The following ANP32A variants were observed in gnomAD, a reference collection of about 807,000 sequenced individuals.
ANP32A encodes acidic nuclear phosphoprotein 32 family member A.
A neutral mutation model predicts 33.9 loss-of-function variants in ANP32A; 1 was observed. The ratio of observed to expected loss-of-function variants is 0.03; its 90% CI spans 0.01 to 0.14. The LOEUF is 0.14. Ranked by LOEUF, ANP32A falls within the 10% of genes least tolerant of loss-of-function variation. The probability of loss-of-function intolerance (pLI) is 1.00; values close to 1 mark genes in which losing one functional copy is unlikely to be tolerated. For missense variants in ANP32A, 155 were observed against 306.0 expected (o/e 0.51, Z 3.68); for synonymous variants, 115 against 120.5 (o/e 0.95, Z 0.30).
At chr15:68,788,564 C>T (rs1893962290) in intron 1 of ANP32A, among the ~76,000 whole-genome samples, 1 of 152,322 alleles carries the variant, frequency 6.6e-6, no homozygotes, top group Non-Finnish European at 1.5e-5. Flanking sequence ...AAGACAGGGG[C>T]CACTAGTCAC....
chr15:68,800,472 C>T (rs926923073), intron 1 of ANP32A, among the ~76,000 whole-genome samples: 8 of 151,140 alleles, frequency 5.3e-5, no homozygotes, highest in Non-Finnish European at 1.2e-4. Flanking sequence ...GCACCGGGCG[C>T]GGTGGCTCAC....
Position 68,785,505 on chromosome 15 carries a change from C to T in ANP32A, c.328-910G>A, listed in dbSNP as rs139473703. Among the ~76,000 whole-genome samples, 109 of 152,308 alleles carry T rather than the reference C, an allele frequency of 7.2e-4. 1 individual carries two copies. Among genetic ancestry groups the T allele is most frequent in the African/African-American group, 2.5e-3 (102 of 41,568 alleles). ...GTCTAACAAGGGAGTGAAACCATTGCTCCTTGGAGTCAATGTCGGGAGCTA... is the reference window on the plus strand; with the variant it reads ...GTCTAACAAGGGAGTGAAACCATTGTTCCTTGGAGTCAATGTCGGGAGCTA... On this transcript the variant is annotated intron_variant, in intron 3 of 6. Transcript: ENST00000465139.
rs546065349 is a variant in ANP32A at position 68,800,085 on chromosome 15, C to A, written c.55-12166G>T. On this transcript the variant is annotated intron_variant, in intron 1 of 6. Coordinates refer to ENST00000465139, the MANE Select transcript of ANP32A (RefSeq NM_006305.4). ...ATGAATCACAAGGCTGTTAAGTGAC[C>A]GTGGGCAAAGAGCTTCATACATAAA... Among the ~76,000 whole-genome samples, 1,191 of 152,124 alleles carry A rather than the reference C, an allele frequency of 7.8e-3. 6 individuals are homozygous for A. The highest frequency in any genetic ancestry group is 0.012 in the Non-Finnish European group (813 of 67,994).
rs59440404 is a variant in ANP32A, at chr15:68,780,017, G to GA, written c.*63dup. 1.6e-5 allele frequency: 23 copies of GA among 1,436,408 alleles called. No individual in the cohort carries two copies. Among genetic ancestry groups the GA allele is most frequent in the African/African-American group, 8.5e-5 (6 of 70,458 alleles). The allele number at this position is 1,436,408 out of a possible 1,614,324, so 89.0% of individuals were successfully genotyped here. ...AGGGGGCAGGATTGGAGGGGGGGGG[G>GA]AGAGGGGATATGGGTAAAAACAGTC... On this transcript the variant is annotated 3_prime_UTR_variant, in exon 7 of 7. Transcript: ENST00000465139. This position sits in a 1 kb window ranked among gnomAD's most constrained non-coding sequence, Gnocchi z 4.3.
chr15:68,780,508 T>A lies in ANP32A; in HGVS notation c.625-35A>T, dbSNP rs751891935. On this transcript the variant is annotated intron_variant, in intron 5 of 6. Coordinates refer to ENST00000465139, the MANE Select transcript of ANP32A (RefSeq NM_006305.4). This position sits in a 1 kb window ranked among gnomAD's most constrained non-coding sequence, Gnocchi z 4.3. Reference sequence around the variant, plus strand: ...AGGACAGACACCAGAACATTAGAAATGCCCTGCCTTGGGACATGCTGAGGA... The same window carrying A: ...AGGACAGACACCAGAACATTAGAAAAGCCCTGCCTTGGGACATGCTGAGGA... The A allele has an allele frequency of 6.2e-7, 1 of 1,613,322 alleles. No individual in the cohort carries two copies.
intron 1 of ANP32A, among the ~76,000 whole-genome samples, chr15:68,800,930 G>C (rs1037067291): frequency 6.6e-6 from 1 of 151,920 alleles, no homozygotes; most frequent in Non-Finnish European, 1.5e-5. Context: ...ATCCTGAGTG[G>C]GTGGCATGCT....
At chr15:68,815,210 A>G (rs1894363996) in intron 1 of ANP32A, among the ~76,000 whole-genome samples, 1 of 152,336 alleles carries the variant, frequency 6.6e-6, no homozygotes, top group Middle Eastern at 3.4e-3. Context: ...AAACAAAGCA[A>G]AACACTAGAT....
intron 1 of ANP32A, among the ~76,000 whole-genome samples, chr15:68,804,653 T>C (rs1213545505): frequency 6.6e-6 from 1 of 152,100 alleles, no homozygotes; most frequent in East Asian, 1.9e-4. Context: ...GTAGCTGGGA[T>C]TACAGGCGCC....
At chr15:68,798,897 A>T (rs747424720) in intron 1 of ANP32A, among the ~76,000 whole-genome samples, 10 of 152,234 alleles carry the variant, frequency 6.6e-5, no homozygotes, top group Non-Finnish European at 1.0e-4. Flanking sequence ...CCGCCTCGGC[A>T]CTGAAGCCCT....
At chr15:68,808,286 G>C (rs931487431) in intron 1 of ANP32A, among the ~76,000 whole-genome samples, 3 of 152,118 alleles carry the variant, frequency 2.0e-5, no homozygotes, top group African/African-American at 7.2e-5. Context: ...GCAGAGCCTG[G>C]GTATTGCTTC....
intron 1 of ANP32A, among the ~76,000 whole-genome samples, chr15:68,804,262 G>C (rs755699654): frequency 6.6e-6 from 1 of 152,102 alleles, no homozygotes; most frequent in Non-Finnish European, 1.5e-5. Flanking sequence ...AGAAGGTTGG[G>C]GGTCAAAGCT....
intron 5 of ANP32A, chr15:68,781,294 T>C (rs1042910234): frequency 4.6e-5 from 7 of 152,038 alleles, no homozygotes; most frequent in Admixed American, 3.3e-4. Flanking sequence ...GTATAAGCTC[T>C]CCTTTACTGA....
intron 1 of ANP32A, among the ~76,000 whole-genome samples, chr15:68,809,715 G>A (rs1048533930): frequency 1.3e-4 from 20 of 152,278 alleles, no homozygotes; most frequent in African/African-American, 4.3e-4. Context: ...GAAGGTGTGC[G>A]CTTCGTTTCA....
intron 1 of ANP32A, among the ~76,000 whole-genome samples, chr15:68,796,296 G>A (rs543720732): frequency 2.0e-5 from 3 of 152,240 alleles, no homozygotes; most frequent in Admixed American, 6.5e-5. Context: ...GGTCAGGCTG[G>A]TCTTCAACTC....
chr15:68,818,565 G>A (rs1894422684), intron 1 of ANP32A, among the ~76,000 whole-genome samples: 1 of 152,106 alleles, frequency 6.6e-6, no homozygotes, highest in South Asian at 2.1e-4. Context: ...TGGGAGGCGA[G>A]GGGGCGAAGC....
At chr15:68,788,992 G>A (rs562744355) in intron 1 of ANP32A, among the ~76,000 whole-genome samples, 2 of 152,342 alleles carry the variant, frequency 1.3e-5, no homozygotes, top group South Asian at 4.1e-4. Context: ...GACAGGCCGA[G>A]GAAAAGTAAC....
chr15:68,786,843 C>T (rs996036996), intron 3 of ANP32A, among the ~76,000 whole-genome samples: 3 of 152,172 alleles, frequency 2.0e-5, no homozygotes, highest in Non-Finnish European at 4.4e-5. Flanking sequence ...AGCCTGTTCA[C>T]TATCGCAACA....
intron 1 of ANP32A, among the ~76,000 whole-genome samples, chr15:68,817,941 C>A (rs1461173075): frequency 3.3e-5 from 5 of 152,224 alleles, no homozygotes; most frequent in African/African-American, 1.2e-4. Flanking sequence ...GCCCGGCAGT[C>A]GTGCCACAGG....
chr15:68,820,882 C>T lies in ANP32A; in HGVS notation c.-131G>A. 1 of 1,089,848 alleles carries T rather than the reference C, an allele frequency of 9.2e-7. No homozygotes were observed. Among genetic ancestry groups the T allele is most frequent in the Non-Finnish European group, 1.4e-6 (1 of 739,828 alleles). 67.5% of individuals were successfully genotyped at this position (1,089,848 alleles called of 1,614,324 possible). ...CGCTCGGTTCTCGAGCCCCCAGCAC[C>T]CGCGGCGCACACTAACCTGATCGCC... On this transcript the variant is annotated 5_prime_UTR_variant, in exon 1 of 7. Transcript: ENST00000465139.
Sources: gnomAD v4.1 joint callset for allele counts (sites outside exome capture counted in the v4.1 genomes callset) on GRCh38, gnomAD v4.1.1 for gene constraint, Gnocchi (gnomAD v3.1) non-coding constraint, MANE v1.5 for transcripts, NCBI Gene and HGNC (gene_info 2026-07-23, HGNC 2026-07-21) for gene names.